CDH10: variants seen among roughly 807,000 people sequenced by gnomAD.
The protein encoded by CDH10 is cadherin-10.
Under a neutral mutation model 73.1 loss-of-function variants are expected in CDH10, and 30 were observed. That is an observed-to-expected ratio of 0.41 (90% CI 0.31 to 0.56). The LOEUF (loss-of-function observed/expected upper bound fraction) is 0.56. Ranked by LOEUF, CDH10 falls within the 20% of genes least tolerant of loss-of-function variation. CDH10 has a pLI of 0.27. For synonymous variants in CDH10, 345 were observed against 348.2 expected, an observed-to-expected ratio of 0.99 and a Z score of 0.10; for missense variants, 815 against 973.7, an observed-to-expected ratio of 0.84 and a Z score of 2.17.
chr5:24,589,455 A>T (rs1746130145), intron 2 of CDH10, among the ~76,000 whole-genome samples: 1 of 152,094 alleles, frequency 6.6e-6, no homozygotes, highest in Non-Finnish European at 1.5e-5. Context: ...ATACTGACTT[A>T]GAATCAGATT....
In CDH10 at chr5:24,509,633, T is replaced by C; in HGVS notation, c.1189A>G (p.Ile397Val). 1 of 1,613,730 alleles carries C rather than the reference T, an allele frequency of 6.2e-7. No individual in the cohort carries two copies. Among genetic ancestry groups the C allele is most frequent in the East Asian group, 2.2e-5 (1 of 44,856 alleles). The change falls in exon 7 of 12, where the codon ATT becomes GTT. Residue 397 changes from isoleucine (I) to valine (V), a missense_variant. Around this residue, in one of 3 missense-constraint regions of CDH10, gnomAD observed 516 missense variants for 636.6 expected, o/e 0.81. Coordinates refer to ENST00000264463, the MANE Select transcript of CDH10 (RefSeq NM_006727.5). ...GTACCAATGATTGTGCCCACTTCAA[T>C]ATCTTCATGAACTTCAAACAGATAG... ...SSYLFEVHED[I>V]EVGTIIGTVM... is the part of the protein sequence containing the mutation.
At chr5:24,643,193 C>G (rs1462052347) in intron 1 of CDH10, among the ~76,000 whole-genome samples, 1 of 152,016 alleles carries the variant, frequency 6.6e-6, no homozygotes, top group Non-Finnish European at 1.5e-5. Flanking sequence ...GAGCGGGGTG[C>G]AGATTATCTA....
intron 5 of CDH10, among the ~76,000 whole-genome samples, chr5:24,520,632 AT>A (rs1192643505): frequency 6.6e-6 from 1 of 152,158 alleles, no homozygotes; most frequent in Non-Finnish European, 1.5e-5. Flanking sequence ...TTGTAATGTA[AT>A]TTTTCAGGTG....
Position 24,487,810 on chromosome 5 carries a change from T to A in CDH10, c.2220A>T (p.Gly740=), listed in dbSNP as rs2111602091. 1.2e-6 allele frequency: 2 copies of A among 1,614,012 alleles called. No homozygotes were observed. Among genetic ancestry groups the A allele is most frequent in the Middle Eastern group, 1.6e-4 (1 of 6,062 alleles). Residue 740 remains glycine, a synonymous_variant, in exon 12 of 12, where the codon GGA becomes GGT. Coordinates refer to ENST00000264463, the MANE Select transcript of CDH10 (RefSeq NM_006727.5). ...TCAGAGATTCAGCAATGGAATCATT[T>A]CCTTCATAGGCATAGGTTGCAAGTG... ...YDSLATYAYE[G]NDSIAESLSS...
At chr5:24,566,257 A>T (rs914059249) in intron 2 of CDH10, among the ~76,000 whole-genome samples, 1 of 152,150 alleles carries the variant, frequency 6.6e-6, no homozygotes, top group Admixed American at 6.5e-5. Flanking sequence ...CATGTTGGCC[A>T]GGCTGATCTC....
At chr5:24,629,287 A>G (rs1042376116) in intron 1 of CDH10, among the ~76,000 whole-genome samples, 7 of 152,104 alleles carry the variant, frequency 4.6e-5, no homozygotes, top group African/African-American at 1.7e-4. Flanking sequence ...ACATCTCAGT[A>G]TTTTCTAGTT....
At chr5:24,583,896 GC>G (rs1481888013) in intron 2 of CDH10, among the ~76,000 whole-genome samples, 3 of 152,124 alleles carry the variant, frequency 2.0e-5, no homozygotes, top group Non-Finnish European at 4.4e-5. Context: ...ACCTGCCTCG[GC>G]CCCCCAAAGT....
rs570392699 is a variant in CDH10, at chr5:24,599,464, T to A, written c.-123-5851A>T. Among the ~76,000 whole-genome samples, 7 of 152,298 alleles carry A rather than the reference T, an allele frequency of 4.6e-5. 1 individual carries two copies. In the East Asian group the frequency reaches 1.2e-3, roughly 25 times the overall value. On this transcript the variant is annotated intron_variant, in intron 1 of 11. Transcript: ENST00000264463. ...GAAAGAATCCATTAAAGATTATTTT[T>A]CTTCTAAGTTACTTCTAAGAAAACC...
At chr5:24,508,880 A>G (rs781009769) in intron 7 of CDH10, among the ~76,000 whole-genome samples, 2 of 152,196 alleles carry the variant, frequency 1.3e-5, no homozygotes, top group Non-Finnish European at 2.9e-5. Flanking sequence ...ACTTGAAAGC[A>G]CAAATAAAGT....
chr5:24,568,212 G>C lies in CDH10; in HGVS notation c.231+25048C>G, dbSNP rs371311306. 2.9e-3 allele frequency among the ~76,000 whole-genome samples: 433 copies of C among 151,916 alleles called. 3 individuals are homozygous for C. Among genetic ancestry groups the C allele is most frequent in the Middle Eastern group, 3.4e-3 (1 of 292 alleles). On this transcript the variant is annotated intron_variant, in intron 2 of 11. Coordinates refer to ENST00000264463, the MANE Select transcript of CDH10 (RefSeq NM_006727.5). The stretch of plus-strand genomic sequence containing the variant: ...ACCAGAGAGAAAATATTAATATTTT[G>C]GAAATACGACATCCATAAAGAAATA...
intron 2 of CDH10, among the ~76,000 whole-genome samples, chr5:24,559,900 T>C (rs1744895707): frequency 6.6e-6 from 1 of 152,144 alleles, no homozygotes; most frequent in African/African-American, 2.4e-5. Context: ...TATATGGCTT[T>C]TGGCCAGAAG....
At position 24,560,226 on chromosome 5, in the gene CDH10, G is replaced by A. The variant is rs1305605806; in HGVS notation, c.232-22552C>T. ...TGTGTGTGTGTGTGTGTGTGTGTGTGTGTGTGTGTGTGTGTGTGTGTGTGT... is the reference window on the plus strand; with the variant it reads ...TGTGTGTGTGTGTGTGTGTGTGTGTATGTGTGTGTGTGTGTGTGTGTGTGT... On this transcript the variant is annotated intron_variant, in intron 2 of 11. Coordinates refer to ENST00000264463, the MANE Select transcript of CDH10 (RefSeq NM_006727.5). Among the ~76,000 whole-genome samples, 562 of 151,432 alleles carry A rather than the reference G, an allele frequency of 3.7e-3. 2 individuals carry two copies. Among genetic ancestry groups the A allele is most frequent in the Middle Eastern group, 0.01 (3 of 292 alleles).
At chr5:24,600,969 T>G (rs1337610652) in intron 1 of CDH10, among the ~76,000 whole-genome samples, 1 of 152,034 alleles carries the variant, frequency 6.6e-6, no homozygotes, top group Non-Finnish European at 1.5e-5. Context: ...CCTAGGCAGT[T>G]TGTATATGTG....
intron 1 of CDH10, among the ~76,000 whole-genome samples, chr5:24,642,731 T>C (rs575680257): frequency 6.6e-6 from 1 of 152,254 alleles, no homozygotes; most frequent in Non-Finnish European, 1.5e-5. Context: ...ACTTCACACA[T>C]ATGCATATGT....
At chr5:24,513,004 TTTTCTTTTC>T (rs1458905961) in intron 5 of CDH10, among the ~76,000 whole-genome samples, 1 of 150,396 alleles carries the variant, frequency 6.6e-6, no homozygotes, top group African/African-American at 2.5e-5. Flanking sequence ...CTTTCTTTTC[TTTTCTTTTC>T]TTTCTTTGTT....
chr5:24,637,835 A>G (rs1747916672), intron 1 of CDH10, among the ~76,000 whole-genome samples: 1 of 151,888 alleles, frequency 6.6e-6, no homozygotes, highest in African/African-American at 2.4e-5. Context: ...AATTTCCCTA[A>G]GGGTGTTTCT....
chr5:24,558,945 T>A (rs6892196), intron 2 of CDH10, among the ~76,000 whole-genome samples: 1 of 151,686 alleles, frequency 6.6e-6, no homozygotes, highest in East Asian at 1.9e-4. Flanking sequence ...CATTCAGCAT[T>A]CCCCTTTCAT....
intron 1 of CDH10, among the ~76,000 whole-genome samples, chr5:24,595,481 G>A (rs1309053127): frequency 6.6e-6 from 1 of 151,950 alleles, no homozygotes; most frequent in Non-Finnish European, 1.5e-5. Flanking sequence ...AATATGTCAT[G>A]TAATACTCTA....
intron 5 of CDH10, among the ~76,000 whole-genome samples, chr5:24,516,476 A>AT (rs11336717): frequency 1.3e-5 from 2 of 151,620 alleles, no homozygotes; most frequent in Admixed American, 6.6e-5. Flanking sequence ...GTGATTTTCA[A>AT]TTTTTTTTCA....
Sources: gnomAD v4.1 joint callset for allele counts (sites outside exome capture counted in the v4.1 genomes callset) on GRCh38, gnomAD v4.1.1 for gene constraint, gnomAD v4.1.1 regional missense constraint, MANE v1.5 for transcripts, NCBI Gene and HGNC (gene_info 2026-07-23, HGNC 2026-07-21) for gene names.